IL16: variants seen among roughly 807,000 people sequenced by gnomAD.
IL16 encodes the protein interleukin 16.
In IL16, 67 loss-of-function variants were observed where a neutral mutation model predicts 110.1. The ratio of observed to expected loss-of-function variants is 0.61; its 90% CI spans 0.50 to 0.75. The LOEUF (loss-of-function observed/expected upper bound fraction) is 0.75, where lower values mean the gene tolerates loss of function less well. Among genes scored for constraint, IL16 ranks in the 30% least tolerant of loss-of-function variants. IL16 has a pLI of 0.00. For missense variants in IL16, 1,545 were observed against 1,655.0 expected, an observed-to-expected ratio of 0.93 and a Z score of 1.15; for synonymous variants, 689 against 662.9, an observed-to-expected ratio of 1.04 and a Z score of -0.61.
At chr15:81,228,378 G>A (rs1896860975) in intron 2 of IL16, among the ~76,000 whole-genome samples, 2 of 151,484 alleles carry the variant, frequency 1.3e-5, no homozygotes, top group African/African-American at 4.9e-5. Flanking sequence ...TGGAGTACAG[G>A]GGTGCGATCT....
At position 81,246,224 on chromosome 15, in the gene IL16, T is replaced by G. The variant is rs553744518; in HGVS notation, c.313-13548T>G. 5.9e-5 allele frequency among the ~76,000 whole-genome samples: 9 copies of G among 152,260 alleles called. No homozygotes were observed. In the South Asian group the frequency reaches 1.7e-3, roughly 28 times the overall value. On this transcript the variant is annotated intron_variant, in intron 2 of 18. Transcript: ENST00000683961. ...ACCCTTCTAAAATGCGAGAGTTTTA[T>G]GAATTTTAACATATGCAGGGTCGTG...
intron 1 of IL16, among the ~76,000 whole-genome samples, chr15:81,207,262 CAAAA>C (rs1176735974): frequency 2.3e-4 from 31 of 136,290 alleles, no homozygotes; most frequent in Admixed American, 1.2e-3. Flanking sequence ...AAAAAAAAAA[CAAAA>C]AAAAGAAAAG....
chr15:81,252,031 TC>T (rs1292762605), intron 2 of IL16, among the ~76,000 whole-genome samples: 20 of 152,354 alleles, frequency 1.3e-4, no homozygotes, highest in African/African-American at 4.8e-4. Flanking sequence ...TTTTAATCCT[TC>T]CTAGGGTCTG....
At chr15:81,204,188 G>A (rs1251111052) in intron 1 of IL16, among the ~76,000 whole-genome samples, 1 of 152,176 alleles carries the variant, frequency 6.6e-6, no homozygotes, top group African/African-American at 2.4e-5. Flanking sequence ...CTGAGACTTT[G>A]CTGAAGTTGC....
chr15:81,188,451 A>G (rs1335211517), intron 1 of IL16: 4 of 455,822 alleles, frequency 8.8e-6, no homozygotes, highest in Non-Finnish European at 1.3e-5. Context: ...AGCGTTCTGT[A>G]TAAGTCTTAT....
At chr15:81,275,942 T>C (rs56874849) in intron 6 of IL16, among the ~76,000 whole-genome samples, 13,504 of 152,238 alleles carry the variant, frequency 0.089, 1,881 homozygotes, top group African/African-American at 0.3. Context: ...TTACCAGATA[T>C]AGCCAAATAA....
intron 4 of IL16, among the ~76,000 whole-genome samples, chr15:81,267,505 CAG>C (rs543367429): frequency 5.1e-5 from 7 of 136,240 alleles, no homozygotes; most frequent in South Asian, 4.2e-4. Flanking sequence ...CACACACACA[CAG>C]AGAGAGCGAG....
chr15:81,307,562 A>G (rs1224605742), intron 18 of IL16, among the ~76,000 whole-genome samples: 2 of 152,208 alleles, frequency 1.3e-5, no homozygotes, highest in African/African-American at 2.4e-5. Flanking sequence ...CTAATTTTTG[A>G]AGGTCAATTT....
At chr15:81,280,207 G>C (rs1272693831) in intron 8 of IL16, among the ~76,000 whole-genome samples, 4 of 152,110 alleles carry the variant, frequency 2.6e-5, no homozygotes, top group Admixed American at 6.5e-5. Context: ...CATTCCCTTT[G>C]CCACCCCCCC....
upstream of IL16, chr15:81,196,802 TGGATCAAGCC>T: frequency 1.8e-6 from 2 of 1,095,228 alleles, no homozygotes; most frequent in Non-Finnish European, 2.2e-6. Context: ...CCCCCCTTTT[TGGATCAAGCC>T]TTTTCACGTG....
intron 2 of IL16, among the ~76,000 whole-genome samples, chr15:81,254,107 G>A (rs559599064): frequency 3.3e-5 from 5 of 152,200 alleles, no homozygotes. Context: ...CTATTTTGTG[G>A]TTCTCTTAGA....
intron 11 of IL16, chr15:81,292,201 G>A: frequency 2.7e-6 from 1 of 368,786 alleles, no homozygotes; most frequent in Non-Finnish European, 5.3e-6. Context: ...ATTGGACAAG[G>A]CAGCTGTCTG....
rs1900400117 is a variant in IL16, at chr15:81,303,537, T to C, written c.3319-12T>C. The C allele has an allele frequency of 4.5e-6, 7 of 1,568,206 alleles. No individual in the cohort carries two copies. The highest frequency in any genetic ancestry group is 6.2e-6 in the Non-Finnish European group (7 of 1,138,150). Reference sequence around the variant, plus strand: ...AGTAAAATGTTTTTGAATGTATGTATTTCCTCTGCAGCAATTAGACGGCAT... The same window carrying C: ...AGTAAAATGTTTTTGAATGTATGTACTTCCTCTGCAGCAATTAGACGGCAT... On this transcript the variant is annotated splice_polypyrimidine_tract_variant and intron_variant, in intron 15 of 18. Coordinates refer to ENST00000683961, the MANE Select transcript of IL16 (RefSeq NM_172217.5). This position sits in a 1 kb window ranked among gnomAD's most constrained non-coding sequence, Gnocchi z 4.1.
At chr15:81,259,688 A>G (rs1596003040) in intron 2 of IL16, 84 bp from the exon 3 acceptor site, 2 of 786,094 alleles carry the variant, frequency 2.5e-6, no homozygotes, top group South Asian at 1.5e-5. Flanking sequence ...GAGTACTTCT[A>G]TGGTCAGTGT....
intron 6 of IL16, among the ~76,000 whole-genome samples, chr15:81,278,404 T>C (rs1240525502): frequency 6.6e-6 from 1 of 152,218 alleles, no homozygotes; most frequent in African/African-American, 2.4e-5. Flanking sequence ...AGTGGAAGTA[T>C]ATTTTATTTG....
At chr15:81,296,255 C>T (rs1899978245) in intron 12 of IL16, among the ~76,000 whole-genome samples, 1 of 152,196 alleles carries the variant, frequency 6.6e-6, no homozygotes, top group Non-Finnish European at 1.5e-5. Flanking sequence ...AATCCAAACT[C>T]TTCAAGTATT....
At chr15:81,290,981 A>G (rs756046706) in intron 11 of IL16, among the ~76,000 whole-genome samples, 1 of 152,256 alleles carries the variant, frequency 6.6e-6, no homozygotes, top group Non-Finnish European at 1.5e-5. Context: ...AGACTATGCT[A>G]ATTCATGCAT....
intron 2 of IL16, among the ~76,000 whole-genome samples, chr15:81,256,622 G>T (rs543651127): frequency 2.6e-5 from 4 of 152,256 alleles, no homozygotes; most frequent in African/African-American, 9.6e-5. Context: ...GGGATTACAG[G>T]TGTGAGCCAC....
intron 1 of IL16, among the ~76,000 whole-genome samples, chr15:81,205,848 G>A (rs569603898): frequency 1.5e-4 from 23 of 152,256 alleles, no homozygotes; most frequent in Admixed American, 1.3e-3. Context: ...CAAATTAAAA[G>A]AAAGTGAGGT....
Sources: allele counts gnomAD v4.1 joint callset (sites outside exome capture counted in the v4.1 genomes callset), GRCh38; gene constraint gnomAD v4.1.1; non-coding constraint Gnocchi (gnomAD v3.1); transcripts MANE v1.5; gene names NCBI Gene and HGNC (gene_info 2026-07-23, HGNC 2026-07-21).